The following POT1 variants were observed in gnomAD, a reference collection of about 807,000 sequenced individuals.
POT1 encodes protection of telomeres 1, also known as protection of telomeres protein 1.
POT1 carries 47 observed loss-of-function variants against 78.5 expected under a neutral mutation model. That is an observed-to-expected ratio of 0.60 (90% CI 0.47 to 0.76). POT1 has a LOEUF of 0.76. Among genes scored for constraint, POT1 ranks in the 30% least tolerant of loss-of-function variants. The pLI is 0.00. For synonymous variants in POT1, 259 were observed against 260.7 expected, an observed-to-expected ratio of 0.99 and a Z score of 0.06; for missense variants, 646 against 749.9, an observed-to-expected ratio of 0.86 and a Z score of 1.62.
chr7:124,871,348 T>C (rs979761606), intron 6 of POT1, among the ~76,000 whole-genome samples: 7 of 151,976 alleles, frequency 4.6e-5, no homozygotes, highest in African/African-American at 1.7e-4. Context: ...GAAACATAAA[T>C]GTAGTCAAAT....
rs1161536609 is a variant in POT1 at position 124,833,199 on chromosome 7, CAG to C, written c.1505+2078_1505+2079del. Among the ~76,000 whole-genome samples the C allele has an allele frequency of 3.9e-5, 6 of 152,146 alleles. No homozygotes were observed. In the South Asian group the frequency reaches 1.2e-3, roughly 32 times the overall value. Reference sequence around the variant, plus strand: ...TATATCAGTAAAAACAGCTATAACACAGAGATTTAAGTCAGTGGCATACACTT... The same window carrying C: ...TATATCAGTAAAAACAGCTATAACACAGATTTAAGTCAGTGGCATACACTT... On this transcript the variant is annotated intron_variant, in intron 15 of 18. Transcript: ENST00000357628.
chr7:124,890,433 T>C (rs1171702032), intron 6 of POT1, among the ~76,000 whole-genome samples: 1 of 151,980 alleles, frequency 6.6e-6, no homozygotes, highest in Non-Finnish European at 1.5e-5. Context: ...TAGTTGATAA[T>C]GCAGCAGCAG....
intron 9 of POT1, among the ~76,000 whole-genome samples, chr7:124,855,778 G>A (rs1473560575): frequency 6.6e-6 from 1 of 151,728 alleles, no homozygotes; most frequent in Non-Finnish European, 1.5e-5. Context: ...TTCCCTTTAG[G>A]TTTATTATTT....
intron 9 of POT1, among the ~76,000 whole-genome samples, chr7:124,856,830 T>C (rs1795458133): frequency 6.6e-6 from 1 of 152,246 alleles, no homozygotes; most frequent in Non-Finnish European, 1.5e-5. Flanking sequence ...TTATCATATA[T>C]TTAATTTTGA....
At chr7:124,913,491 T>C (rs1796940691) in intron 3 of POT1, among the ~76,000 whole-genome samples, 1 of 152,166 alleles carries the variant, frequency 6.6e-6, no homozygotes, top group Non-Finnish European at 1.5e-5. Context: ...TGAAGCTTAA[T>C]TTATCAATTT....
At chr7:124,840,761 A>G in intron 14 of POT1, 1 of 386,978 alleles carries the variant, frequency 2.6e-6, no homozygotes, top group Non-Finnish European at 4.6e-6. Context: ...CTTGAGTCTG[A>G]AGTACAATTT....
At chr7:124,871,731 A>ATT (rs5887205) in intron 6 of POT1, among the ~76,000 whole-genome samples, 5,162 of 144,962 alleles carry the variant, frequency 0.036, 218 homozygotes, top group African/African-American at 0.1. Context: ...CTGCCTTAAA[A>ATT]TTTTTTTTTT....
intron 7 of POT1, among the ~76,000 whole-genome samples, chr7:124,869,452 C>G (rs922865950): frequency 6.6e-6 from 1 of 151,944 alleles, no homozygotes; most frequent in African/African-American, 2.4e-5. Flanking sequence ...ACAATAACAA[C>G]AACTAAATAT....
chr7:124,863,587 A>T lies in POT1; in HGVS notation c.309T>A (p.Ser103=). The change falls in exon 8 of 19, where the codon TCT becomes TCA. Residue 103 remains serine, a synonymous_variant. Transcript: ENST00000357628. ...TQGITSSGFA[S]LTFEGTLGAP... is the part of the protein sequence containing the mutation. ...CTCCCAAAGTTCCCTCAAACGTCAA[A>T]GATGCAAAGCCAGAGCTGGTGATAC... 1.1e-5 allele frequency: 18 copies of T among 1,613,894 alleles called. No individual in the cohort carries two copies. The highest frequency in any genetic ancestry group is 1.5e-5 in the Non-Finnish European group (18 of 1,179,824).
chr7:124,917,175 C>G (rs1016905057), intron 2 of POT1, among the ~76,000 whole-genome samples: 7 of 152,098 alleles, frequency 4.6e-5, no homozygotes, highest in African/African-American at 1.7e-4. Flanking sequence ...GCTACCAAGA[C>G]AGGCTTCATC....
chr7:124,843,923 A>G (rs1375981039), intron 12 of POT1, among the ~76,000 whole-genome samples: 1 of 152,188 alleles, frequency 6.6e-6, no homozygotes, highest in Non-Finnish European at 1.5e-5. Context: ...GTATCACTTA[A>G]TTAGATATTT....
At position 124,842,524 on chromosome 7, in the gene POT1, C is replaced by T. The variant is rs561014470; in HGVS notation, c.1163+283G>A. Among the ~76,000 whole-genome samples the T allele has an allele frequency of 2.6e-4, 40 of 152,062 alleles. 1 individual carries two copies. Among genetic ancestry groups the T allele is most frequent in the African/African-American group, 8.9e-4 (37 of 41,524 alleles). On this transcript the variant is annotated intron_variant, in intron 13 of 18. Transcript: ENST00000357628. Reference sequence around the variant, plus strand: ...TATATTTCAGAAGATACTTCTGTGACAAATGAGTCTGCCCAAATATATTCA... The same window carrying T: ...TATATTTCAGAAGATACTTCTGTGATAAATGAGTCTGCCCAAATATATTCA...
At chr7:124,830,089 A>T (rs924950319) in intron 15 of POT1, among the ~76,000 whole-genome samples, 2 of 152,186 alleles carry the variant, frequency 1.3e-5, no homozygotes, top group Non-Finnish European at 2.9e-5. Flanking sequence ...AAGATTCTAG[A>T]TAATTAATAT....
At chr7:124,872,473 G>C (rs780876279) in intron 6 of POT1, among the ~76,000 whole-genome samples, 1 of 152,062 alleles carries the variant, frequency 6.6e-6, no homozygotes, top group Non-Finnish European at 1.5e-5. Context: ...CACTGTCCAC[G>C]CTCCCTGCCT....
Position 124,823,410 on chromosome 7 carries a change from A to T in POT1, c.*552T>A, listed in dbSNP as rs1794552723. ...TTAAATTTGACAAACACTGTCAGGT[A>T]AAAATCAAACTATTTTACTAAGTTA... On this transcript the variant is annotated 3_prime_UTR_variant, in exon 19 of 19. Coordinates refer to ENST00000357628, the MANE Select transcript of POT1 (RefSeq NM_015450.3). 1 of 152,094 alleles carries T rather than the reference A, an allele frequency of 6.6e-6. No individual in the cohort carries two copies. Among genetic ancestry groups the T allele is most frequent in the Non-Finnish European group, 1.5e-5 (1 of 67,958 alleles). 9.4% of individuals were successfully genotyped at this position (152,094 alleles called of 1,614,324 possible).
chr7:124,850,144 A>C (rs1352621719), intron 11 of POT1, among the ~76,000 whole-genome samples: 1 of 152,214 alleles, frequency 6.6e-6, no homozygotes, highest in Non-Finnish European at 1.5e-5. Flanking sequence ...ATCTGAACTA[A>C]ATTGGTTTCC....
chr7:124,927,306 A>T (rs1797297953), intron 2 of POT1, among the ~76,000 whole-genome samples: 1 of 152,180 alleles, frequency 6.6e-6, no homozygotes, highest in South Asian at 2.1e-4. Context: ...ATAGCAACAT[A>T]ATGCTCTGTT....
intron 6 of POT1, among the ~76,000 whole-genome samples, chr7:124,885,771 TA>T (rs1286269747): frequency 9.9e-6 from 1 of 101,346 alleles, no homozygotes; most frequent in Non-Finnish European, 2.1e-5. Flanking sequence ...GTCTCAAAAA[TA>T]AATAAATAAA....
At chr7:124,920,399 A>G (rs1036122268) in intron 2 of POT1, among the ~76,000 whole-genome samples, 1 of 152,194 alleles carries the variant, frequency 6.6e-6, no homozygotes, top group African/African-American at 2.4e-5. Context: ...GGAAATTGGT[A>G]AGCAGTCATG....
Sources: allele counts gnomAD v4.1 joint callset (sites outside exome capture counted in the v4.1 genomes callset), GRCh38; gene constraint gnomAD v4.1.1; transcripts MANE v1.5; gene names NCBI Gene and HGNC (gene_info 2026-07-23, HGNC 2026-07-21).